The following RGL1 variants were observed in gnomAD, a reference collection of about 807,000 sequenced individuals.
The protein encoded by RGL1 is ral guanine nucleotide dissociation stimulator like 1.
A neutral mutation model predicts 95.2 loss-of-function variants in RGL1; 24 were observed. The ratio of observed to expected loss-of-function variants is 0.25; its 90% CI spans 0.18 to 0.35. The LOEUF (loss-of-function observed/expected upper bound fraction) is 0.35. RGL1 is among the 10% of genes least tolerant of loss of function. RGL1 has a pLI of 1.00. For missense variants in RGL1, 715 were observed against 936.3 expected (o/e 0.76, Z 3.08); for synonymous variants, 329 against 344.9 (o/e 0.95, Z 0.51).
At chr1:183,894,784 TCTC>T (rs1394904424) in intron 9 of RGL1, among the ~76,000 whole-genome samples, 1 of 152,200 alleles carries the variant, frequency 6.6e-6, no homozygotes, top group Non-Finnish European at 1.5e-5. Flanking sequence ...TGACCTAACT[TCTC>T]TTCTTCTGGG....
chr1:183,792,496 T>G (rs997729921), intron 2 of RGL1, among the ~76,000 whole-genome samples: 1 of 151,920 alleles, frequency 6.6e-6, no homozygotes, highest in Non-Finnish European at 1.5e-5. Context: ...AAGAAAGAAA[T>G]AAAAGGAACC....
At chr1:183,764,977 C>T (rs988555493) in intron 2 of RGL1, among the ~76,000 whole-genome samples, 1 of 152,160 alleles carries the variant, frequency 6.6e-6, no homozygotes, top group Non-Finnish European at 1.5e-5. Context: ...GATTCAACCT[C>T]CAAAGGCCTC....
intron 1 of RGL1, among the ~76,000 whole-genome samples, chr1:183,714,017 T>C (rs1031783259): frequency 6.6e-6 from 1 of 152,200 alleles, no homozygotes; most frequent in African/African-American, 2.4e-5. Context: ...TTTGCATGGA[T>C]GTCATAAGTG....
At position 183,884,705 on chromosome 1, in the gene RGL1, GT is replaced by G. The variant is rs1183979258; in HGVS notation, c.736-16del. 2.5e-6 allele frequency: 4 copies of G among 1,610,094 alleles called. No individual in the cohort carries two copies. The South Asian group carries it at 3.3e-5, about 13-fold the overall frequency. ...AATGTCTGTGTTGTCCTTAAAGTCA[GT>G]TCCTCTTTTGTTCCAGCAACTCTTC... On this transcript the variant is annotated splice_polypyrimidine_tract_variant and intron_variant, in intron 6 of 17. Coordinates refer to ENST00000360851, the MANE Select transcript of RGL1 (RefSeq NM_001297671.3).
chr1:183,908,111 A>G (rs1347968545), intron 14 of RGL1, among the ~76,000 whole-genome samples: 2 of 152,184 alleles, frequency 1.3e-5, no homozygotes, highest in Non-Finnish European at 2.9e-5. Context: ...ATGTGCCTGA[A>G]AAACCACCAT....
intron 9 of RGL1, among the ~76,000 whole-genome samples, chr1:183,896,949 G>A (rs1246247099): frequency 2.0e-5 from 3 of 152,166 alleles, no homozygotes; most frequent in East Asian, 3.8e-4. Flanking sequence ...TTATGGATTG[G>A]TCATGTAGTA....
In RGL1 at chr1:183,900,375, A is replaced by G. The variant is rs542818418; in HGVS notation, c.1317+139A>G. Reference sequence around the variant, plus strand: ...CTAGCTGTTAGGAGGAATACAAAGAATAACACCAAAGACTAACACCAGAAG... The same window carrying G: ...CTAGCTGTTAGGAGGAATACAAAGAGTAACACCAAAGACTAACACCAGAAG... On this transcript the variant is annotated intron_variant, in intron 11 of 17. Transcript: ENST00000360851. The G allele has an allele frequency of 5.6e-5, 34 of 603,666 alleles. No individual in the cohort carries two copies. In the African/African-American group the frequency reaches 6.1e-4, roughly 11 times the overall value. 37.4% of individuals were successfully genotyped at this position (603,666 alleles called of 1,614,324 possible).
At chr1:183,878,418 G>A (rs1429010203) in intron 4 of RGL1, among the ~76,000 whole-genome samples, 1 of 151,670 alleles carries the variant, frequency 6.6e-6, no homozygotes, top group African/African-American at 2.4e-5. Flanking sequence ...AGCTGGTCTC[G>A]AACTCCTGGG....
At chr1:183,747,711 T>C (rs1163893927) in intron 2 of RGL1, among the ~76,000 whole-genome samples, 1 of 152,242 alleles carries the variant, frequency 6.6e-6, no homozygotes, top group East Asian at 1.9e-4. Context: ...ATAAGCTTTT[T>C]GATGTGTTGC....
intron 4 of RGL1, among the ~76,000 whole-genome samples, chr1:183,873,280 A>G (rs985199881): frequency 6.6e-6 from 1 of 152,252 alleles, no homozygotes; most frequent in African/African-American, 2.4e-5. Flanking sequence ...ACAGCATTGT[A>G]AACAAAGAAA....
intron 1 of RGL1, among the ~76,000 whole-genome samples, chr1:183,673,044 G>A (rs1350106226): frequency 6.6e-6 from 1 of 151,644 alleles, no homozygotes; most frequent in Non-Finnish European, 1.5e-5. Flanking sequence ...CTGGTGTAGA[G>A]CAGTGTTTTT....
chr1:183,678,504 T>A (rs1652983227), intron 1 of RGL1, among the ~76,000 whole-genome samples: 3 of 152,172 alleles, frequency 2.0e-5, no homozygotes, highest in Admixed American at 6.5e-5. Flanking sequence ...AATGAATTGG[T>A]GAATGGCCAA....
At chr1:183,898,540 G>C (rs1667835890) in intron 10 of RGL1, among the ~76,000 whole-genome samples, 2 of 152,176 alleles carry the variant, frequency 1.3e-5, no homozygotes, top group Admixed American at 6.5e-5. Context: ...GAGGAGATTA[G>C]AGACTGACAA....
chr1:183,911,964 A>G (rs1324783437), intron 14 of RGL1, 118 bp from the exon 15 acceptor site: 3 of 809,530 alleles, frequency 3.7e-6, no homozygotes, highest in South Asian at 3.7e-5. Flanking sequence ...TAAAATAATA[A>G]TGACAGAACA....
At chr1:183,661,205 A>G (rs12028586) in intron 1 of RGL1, among the ~76,000 whole-genome samples, 7,030 of 152,304 alleles carry the variant, frequency 0.046, 209 homozygotes, top group African/African-American at 0.085. Context: ...AATAACTAAA[A>G]TCAGAGCAGA....
At chr1:183,863,251 C>G (rs1028414217) in intron 3 of RGL1, among the ~76,000 whole-genome samples, 2 of 152,190 alleles carry the variant, frequency 1.3e-5, no homozygotes, top group African/African-American at 2.4e-5. Flanking sequence ...AGACTTTCGC[C>G]TTTTCTCAGA....
intron 2 of RGL1, among the ~76,000 whole-genome samples, chr1:183,787,470 A>G (rs1198561696): frequency 6.6e-6 from 1 of 152,184 alleles, no homozygotes; most frequent in Non-Finnish European, 1.5e-5. Context: ...ACACCTAAGT[A>G]TTTCCAAGGT....
intron 1 of RGL1, among the ~76,000 whole-genome samples, chr1:183,713,042 T>C (rs1230350773): frequency 6.6e-6 from 1 of 152,070 alleles, no homozygotes; most frequent in East Asian, 1.9e-4. Flanking sequence ...TTGTTTTGTT[T>C]TGAGACAGAG....
At chr1:183,814,916 G>T (rs1306232714) in intron 2 of RGL1, among the ~76,000 whole-genome samples, 1 of 152,204 alleles carries the variant, frequency 6.6e-6, no homozygotes, top group Non-Finnish European at 1.5e-5. Context: ...AAAAATAACT[G>T]AAACTGGATT....
Sources: gnomAD v4.1 joint callset for allele counts (sites outside exome capture counted in the v4.1 genomes callset) on GRCh38, gnomAD v4.1.1 for gene constraint, MANE v1.5 for transcripts, NCBI Gene and HGNC (gene_info 2026-07-23, HGNC 2026-07-21) for gene names.